VRK2: variants seen among roughly 807,000 people sequenced by gnomAD.
VRK2 encodes the protein serine/threonine-protein kinase VRK2.
VRK2 carries 60 observed loss-of-function variants against 57.6 expected under a neutral mutation model. The observed-to-expected ratio is 1.04, with a 90% CI of 0.85 to 1.29. The LOEUF is 1.29. Ranked by LOEUF, VRK2 falls within the 50% of genes most tolerant of loss-of-function variation. VRK2 has a pLI of 0.00. For synonymous variants in VRK2, 231 were observed against 199.2 expected, an observed-to-expected ratio of 1.16 and a Z score of -1.35; for missense variants, 705 against 588.1, an observed-to-expected ratio of 1.20 and a Z score of -2.06.
intron 2 of VRK2, among the ~76,000 whole-genome samples, chr2:58,027,527 T>C (rs1000509475): frequency 6.6e-6 from 1 of 152,074 alleles, no homozygotes; most frequent in Non-Finnish European, 1.5e-5. Flanking sequence ...TTAGCAGTAG[T>C]AATGGAGGGC....
chr2:57,983,696 A>G (rs1672504027), intron 1 of VRK2, among the ~76,000 whole-genome samples: 1 of 152,238 alleles, frequency 6.6e-6, no homozygotes, highest in Non-Finnish European at 1.5e-5. Flanking sequence ...GAGTGTATAC[A>G]ATGCTGCACA....
intron 1 of VRK2, among the ~76,000 whole-genome samples, chr2:57,957,207 G>A (rs1671613620): frequency 6.6e-6 from 1 of 152,104 alleles, no homozygotes; most frequent in Non-Finnish European, 1.5e-5. Flanking sequence ...TATATACATT[G>A]AGGAAGAGTT....
chr2:58,113,629 C>G (rs1018191272), intron 7 of VRK2, among the ~76,000 whole-genome samples: 1 of 151,674 alleles, frequency 6.6e-6, no homozygotes, highest in Non-Finnish European at 1.5e-5. Context: ...TGGGCAGGGG[C>G]GGGGTCACAA....
chr2:58,058,525 A>G (rs373980869), intron 2 of VRK2: 1 of 395,854 alleles, frequency 2.5e-6, no homozygotes, highest in South Asian at 1.9e-5. Context: ...TCTTAGACAT[A>G]ATGTTACCAA....
At chr2:58,134,535 CG>C (rs1679699635) in intron 9 of VRK2, among the ~76,000 whole-genome samples, 1 of 146,252 alleles carries the variant, frequency 6.8e-6, no homozygotes, top group African/African-American at 2.6e-5. Context: ...GGCGTGAACC[CG>C]GGAAGCGGAG....
intron 1 of VRK2, among the ~76,000 whole-genome samples, chr2:57,987,974 G>C (rs940357463): frequency 6.6e-6 from 1 of 152,138 alleles, no homozygotes; most frequent in Non-Finnish European, 1.5e-5. Context: ...ACAGAAAACA[G>C]ATCAGTTGTT....
chr2:57,982,581 G>A (rs766512844), intron 1 of VRK2, among the ~76,000 whole-genome samples: 1 of 152,166 alleles, frequency 6.6e-6, no homozygotes, highest in Non-Finnish European at 1.5e-5. Flanking sequence ...GCACTCTGAA[G>A]GTTAGGTGGG....
chr2:57,925,277 T>C (rs549003821), intron 1 of VRK2, among the ~76,000 whole-genome samples: 2 of 152,080 alleles, frequency 1.3e-5, no homozygotes, highest in Non-Finnish European at 2.9e-5. Flanking sequence ...GTTTGAGTAA[T>C]ATTGATATTA....
At chr2:58,023,591 A>G (rs1673830165) in intron 1 of VRK2, among the ~76,000 whole-genome samples, 1 of 152,238 alleles carries the variant, frequency 6.6e-6, no homozygotes, top group Non-Finnish European at 1.5e-5. Flanking sequence ...CTGCCTAAAA[A>G]TTGCTAACAA....
chr2:57,911,373 G>T (rs1669980631), intron 1 of VRK2, among the ~76,000 whole-genome samples: 1 of 152,116 alleles, frequency 6.6e-6, no homozygotes, highest in African/African-American at 2.4e-5. Flanking sequence ...TTTTTGGAGA[G>T]TCACAGTTAA....
intron 7 of VRK2, among the ~76,000 whole-genome samples, chr2:58,118,703 T>A (rs904810310): frequency 1.3e-5 from 2 of 152,204 alleles, no homozygotes; most frequent in Non-Finnish European, 2.9e-5. Context: ...CCAAATTTCA[T>A]GTGTGTCCGT....
chr2:58,154,584 G>C (rs906978682), intron 12 of VRK2, among the ~76,000 whole-genome samples: 6 of 151,862 alleles, frequency 4.0e-5, no homozygotes, highest in Non-Finnish European at 2.9e-5. Context: ...TATGTCCCAT[G>C]TTTTGATATG....
chr2:58,116,575 T>C (rs539749734), intron 7 of VRK2, among the ~76,000 whole-genome samples: 23 of 151,818 alleles, frequency 1.5e-4, no homozygotes, highest in South Asian at 8.4e-4. Context: ...TGGGTAGCCT[T>C]CGTATTGATT....
At chr2:58,107,361 T>G (rs1674910212) in intron 7 of VRK2, among the ~76,000 whole-genome samples, 1 of 152,156 alleles carries the variant, frequency 6.6e-6, no homozygotes, top group Non-Finnish European at 1.5e-5. Context: ...AACTGGCCTT[T>G]TTCAGTTTCT....
intron 9 of VRK2, among the ~76,000 whole-genome samples, chr2:58,133,365 A>G (rs1679497971): frequency 6.6e-6 from 1 of 152,212 alleles, no homozygotes. Context: ...ATGTAAACCT[A>G]TAGACTAGTA....
chr2:58,073,005 A>G (rs904050750), intron 2 of VRK2, among the ~76,000 whole-genome samples: 1 of 152,024 alleles, frequency 6.6e-6, no homozygotes, highest in Non-Finnish European at 1.5e-5. Flanking sequence ...GCATCCCTAC[A>G]TTTTTAGAAA....
chr2:57,908,087 A>G (rs1055594269), intron 1 of VRK2, among the ~76,000 whole-genome samples: 8 of 152,226 alleles, frequency 5.3e-5, no homozygotes, highest in Non-Finnish European at 1.2e-4. Context: ...GAGATTTTCA[A>G]GGAACTTCTG....
Position 58,048,936 on chromosome 2 carries a change from T to A in VRK2, c.105T>A (p.Ile35=). The change falls in exon 2 of 13, where the codon ATT becomes ATA. Residue 35 remains isoleucine, a synonymous_variant. Transcript: ENST00000340157. ...EGNQWVLGKK[I]GSGGFGLIYL... is the part of the protein sequence containing the mutation. ...ATCAGTGGGTACTGGGCAAGAAGATTGGCTCTGGAGGATTTGGATTGATAT... is the reference window on the plus strand; with the variant it reads ...ATCAGTGGGTACTGGGCAAGAAGATAGGCTCTGGAGGATTTGGATTGATAT... 1 of 1,613,920 alleles carries A rather than the reference T, an allele frequency of 6.2e-7. No homozygotes were observed.
intron 12 of VRK2, among the ~76,000 whole-genome samples, chr2:58,157,648 A>T (rs1007888247): frequency 6.6e-6 from 1 of 151,998 alleles, no homozygotes; most frequent in Non-Finnish European, 1.5e-5. Context: ...CTCAGGTCAT[A>T]CTCCTAGACC....
Sources: gnomAD v4.1 joint callset for allele counts (sites outside exome capture counted in the v4.1 genomes callset) on GRCh38, gnomAD v4.1.1 for gene constraint, MANE v1.5 for transcripts, NCBI Gene and HGNC (gene_info 2026-07-23, HGNC 2026-07-21) for gene names.